STOX2: variants seen among roughly 807,000 people sequenced by gnomAD.
The protein encoded by STOX2 is storkhead-box protein 2.
In STOX2, 28 loss-of-function variants were observed where a neutral mutation model predicts 60.9. The observed-to-expected ratio is 0.46, with a 90% CI of 0.34 to 0.63. STOX2 has a LOEUF of 0.63. STOX2 is among the 30% of genes least tolerant of loss of function. STOX2 has a pLI of 0.01. For missense variants in STOX2, 1,024 were observed against 1,187.7 expected, an observed-to-expected ratio of 0.86 and a Z score of 2.03; for synonymous variants, 472 against 463.9, an observed-to-expected ratio of 1.02 and a Z score of -0.22.
chr4:183,920,668 G>A (rs1742075348), intron 1 of STOX2, among the ~76,000 whole-genome samples: 1 of 152,182 alleles, frequency 6.6e-6, no homozygotes, highest in African/African-American at 2.4e-5. Flanking sequence ...GATCTGGTAA[G>A]GGGCAGGCTG....
intron 1 of STOX2, among the ~76,000 whole-genome samples, chr4:183,838,130 A>G (rs566020859): frequency 2.6e-5 from 4 of 151,434 alleles, no homozygotes; most frequent in African/African-American, 9.7e-5. Flanking sequence ...AAATATTTCA[A>G]TAAATATATT....
intron 1 of STOX2, among the ~76,000 whole-genome samples, chr4:183,874,992 T>TATAA (rs1740796880): frequency 1.9e-5 from 1 of 53,104 alleles, no homozygotes; most frequent in African/African-American, 6.4e-5. Flanking sequence ...TATATATATA[T>TATAA]AAAACTTAGA....
chr4:183,798,528 TG>T, intron 1 of STOX2: 1 of 749,152 alleles, frequency 1.3e-6, no homozygotes, highest in Non-Finnish European at 1.6e-6. Context: ...CGCCCTTCCC[TG>T]GGCGGCGACT....
At chr4:183,874,754 G>T (rs945333551) in intron 1 of STOX2, among the ~76,000 whole-genome samples, 1 of 149,878 alleles carries the variant, frequency 6.7e-6, no homozygotes, top group Non-Finnish European at 1.5e-5. Context: ...GTGAAACCCC[G>T]TCTCTAGTAA....
chr4:183,928,955 G>T (rs1344943569), intron 1 of STOX2, among the ~76,000 whole-genome samples: 2 of 152,168 alleles, frequency 1.3e-5, no homozygotes, highest in Admixed American at 6.5e-5. Flanking sequence ...TTACTCAAAG[G>T]AAAAGAAGCT....
In STOX2 at chr4:183,972,618, C is replaced by T. The variant is rs1242662634; in HGVS notation, c.167-28707C>T. On this transcript the variant is annotated intron_variant, in intron 1 of 3. Transcript: ENST00000308497. ...CTGCACTGAAGTGACATTCAGCTGA[C>T]AGGAGGTGGTTTGGAAATCGCAGCC... Among the ~76,000 whole-genome samples the T allele has an allele frequency of 4.6e-5, 7 of 152,252 alleles. No homozygotes were observed. The South Asian group carries it at 1.0e-3, about 23-fold the overall frequency.
chr4:183,804,976 A>G (rs1169675267), intron 1 of STOX2, among the ~76,000 whole-genome samples: 1 of 152,242 alleles, frequency 6.6e-6, no homozygotes, highest in Non-Finnish European at 1.5e-5. Context: ...GTTATTGCCA[A>G]GTTCTTTTAA....
chr4:183,937,095 A>T (rs1355236551), intron 1 of STOX2, among the ~76,000 whole-genome samples: 1 of 152,232 alleles, frequency 6.6e-6, no homozygotes. Flanking sequence ...AGGGCAGTGT[A>T]TGCATGTCTT....
chr4:183,799,655 C>T (rs1738715898), intron 1 of STOX2, among the ~76,000 whole-genome samples: 1 of 42,404 alleles, frequency 2.4e-5, no homozygotes, highest in Non-Finnish European at 6.8e-5. Context: ...CCCCATCTAC[C>T]CCCTACCCGT....
chr4:183,810,519 C>T (rs1020686647), intron 1 of STOX2, among the ~76,000 whole-genome samples: 1 of 152,118 alleles, frequency 6.6e-6, no homozygotes, highest in Non-Finnish European at 1.5e-5. Context: ...AAAATTACTA[C>T]CAAGAAACAT....
chr4:183,803,182 G>A (rs776369061), intron 1 of STOX2, among the ~76,000 whole-genome samples: 32 of 152,064 alleles, frequency 2.1e-4, no homozygotes, highest in Non-Finnish European at 4.6e-4. Flanking sequence ...GGAAAGATCC[G>A]TCCCCATAAT....
At chr4:183,911,104 G>T (rs1741766287) in intron 1 of STOX2, among the ~76,000 whole-genome samples, 4 of 152,102 alleles carry the variant, frequency 2.6e-5, no homozygotes, top group Admixed American at 2.6e-4. Context: ...CTGTGCAGTG[G>T]CTCTGTCTTG....
intron 1 of STOX2, among the ~76,000 whole-genome samples, chr4:183,887,937 G>A (rs1211287125): frequency 6.6e-6 from 1 of 152,114 alleles, no homozygotes; most frequent in Non-Finnish European, 1.5e-5. Flanking sequence ...GTTTTTGGTA[G>A]AGACAGGGTA....
At position 184,009,918 on chromosome 4, in the gene STOX2, T is replaced by G. The variant is rs771339593; in HGVS notation, c.1080T>G (p.Ser360Arg). ...ATCACAGCGGAAGGAGTAAAAAGAG[T>G]AGGACTCATCGGAAGTCCCATGGAA... ...SAHHSGRSKKSRTHRKSHGKS... is the reference protein window; with the variant it reads ...SAHHSGRSKKRRTHRKSHGKS... Residue 360 changes from serine (S) to arginine (R), a missense_variant, in exon 3 of 4, where the codon AGT becomes AGG. Ser to Arg is a moderately radical substitution (Grantham distance 110, BLOSUM62 -1). Coordinates refer to ENST00000308497, the MANE Select transcript of STOX2 (RefSeq NM_020225.3). This position sits in a 1 kb window ranked among gnomAD's most constrained non-coding sequence, Gnocchi z 4.0. 1.9e-6 allele frequency: 3 copies of G among 1,612,238 alleles called. No individual in the cohort carries two copies. In the South Asian group the frequency reaches 3.3e-5, roughly 18 times the overall value.
intron 1 of STOX2, among the ~76,000 whole-genome samples, chr4:183,885,411 G>T (rs1019107718): frequency 2.0e-5 from 3 of 152,208 alleles, no homozygotes; most frequent in African/African-American, 2.4e-5. Context: ...ACACTCAGAT[G>T]TCCAAAGGCC....
intron 1 of STOX2, among the ~76,000 whole-genome samples, chr4:183,828,917 C>T (rs1044694112): frequency 2.0e-5 from 3 of 152,114 alleles, no homozygotes; most frequent in African/African-American, 2.4e-5. Context: ...CTACCACGGA[C>T]GCCAGACCTG....
intron 1 of STOX2, among the ~76,000 whole-genome samples, chr4:183,998,395 A>G (rs903111938): frequency 1.3e-5 from 2 of 152,132 alleles, no homozygotes; most frequent in African/African-American, 4.8e-5. Flanking sequence ...GGAGTGAGAG[A>G]GAAGGAACTA....
intron 1 of STOX2, among the ~76,000 whole-genome samples, chr4:183,956,067 C>T (rs1645892654): frequency 6.6e-6 from 1 of 152,170 alleles, no homozygotes; most frequent in Admixed American, 6.5e-5. Context: ...GTTAACCTCT[C>T]CAGTATATAA....
upstream of STOX2, among the ~76,000 whole-genome samples, chr4:183,903,343 T>C (rs1741504245): frequency 1.3e-5 from 2 of 152,180 alleles, no homozygotes; most frequent in South Asian, 4.1e-4. Context: ...GCACAGACTG[T>C]TCCCCCTTTC....
Sources: allele counts gnomAD v4.1 joint callset (sites outside exome capture counted in the v4.1 genomes callset), GRCh38; gene constraint gnomAD v4.1.1; non-coding constraint Gnocchi (gnomAD v3.1); transcripts MANE v1.5; gene names NCBI Gene and HGNC (gene_info 2026-07-23, HGNC 2026-07-21).